AFG2A: variants seen among roughly 807,000 people sequenced by gnomAD.
AFG2A encodes ATPase family gene 2 protein homolog A.
chr4:123,291,543 T>C, the AFG2A span, among the ~76,000 whole-genome samples: 7 of 152,218 alleles, frequency 4.6e-5, no homozygotes, highest in Non-Finnish European at 8.8e-5. Flanking sequence ...AGCATTTGCT[T>C]GTCTGGGAAA....
the AFG2A span, among the ~76,000 whole-genome samples, chr4:123,049,720 T>G: frequency 1.3e-5 from 2 of 152,088 alleles, no homozygotes; most frequent in Non-Finnish European, 2.9e-5. Flanking sequence ...GGTGTTCTTT[T>G]TTTTAGGTAG....
chr4:123,056,092 C>A, the AFG2A span, among the ~76,000 whole-genome samples: 1 of 152,194 alleles, frequency 6.6e-6, no homozygotes, highest in Admixed American at 6.5e-5. Context: ...TGCCTAGCAC[C>A]ACATCTGATA....
At chr4:123,233,353 G>C in the AFG2A span, among the ~76,000 whole-genome samples, 159 of 151,908 alleles carry the variant, frequency 1.0e-3, no homozygotes, top group African/African-American at 3.7e-3. Context: ...AGCCACATCT[G>C]TCAGAGCTGT....
chr4:122,992,974 GTA>G, the AFG2A span, among the ~76,000 whole-genome samples: 3 of 100,502 alleles, frequency 3.0e-5, no homozygotes, highest in East Asian at 3.4e-4. Flanking sequence ...GTGTGTGTGT[GTA>G]TGTGTGTGTG....
At chr4:123,182,870 C>T in the AFG2A span, among the ~76,000 whole-genome samples, 1 of 152,102 alleles carries the variant, frequency 6.6e-6, no homozygotes. Context: ...GAGAAGGAAG[C>T]AAAGAAGGAA....
chr4:122,939,071 C>CTCTCTTTTT, the AFG2A span, among the ~76,000 whole-genome samples: 2 of 76,210 alleles, frequency 2.6e-5, 1 homozygote. Flanking sequence ...GGGATATGTT[C>CTCTCTTTTT]TTTCTTTTTT....
At chr4:123,163,731 T>A in the AFG2A span, among the ~76,000 whole-genome samples, 1 of 152,172 alleles carries the variant, frequency 6.6e-6, no homozygotes, top group Non-Finnish European at 1.5e-5. Context: ...AGGGACTGAT[T>A]CACCTAACTG....
the AFG2A span, among the ~76,000 whole-genome samples, chr4:122,989,434 G>A: frequency 1.0e-3 from 155 of 152,286 alleles, no homozygotes; most frequent in South Asian, 2.7e-3. Context: ...GGACAGTTCT[G>A]GAGCCTCTGT....
chr4:123,301,607 T>C, the AFG2A span, among the ~76,000 whole-genome samples: 1 of 152,292 alleles, frequency 6.6e-6, no homozygotes, highest in African/African-American at 2.4e-5. Context: ...ATAAAATAAG[T>C]GTAATATAAA....
At chr4:123,212,241 G>T in the AFG2A span, among the ~76,000 whole-genome samples, 1 of 151,498 alleles carries the variant, frequency 6.6e-6, no homozygotes, top group African/African-American at 2.4e-5. Context: ...CCTTTTTCTT[G>T]TCCTGATTAA....
chr4:123,193,448 T>C, the AFG2A span, among the ~76,000 whole-genome samples: 1 of 152,250 alleles, frequency 6.6e-6, no homozygotes, highest in African/African-American at 2.4e-5. Context: ...AGATAAACTA[T>C]TATTACAGGT....
chr4:123,204,298 A>G, the AFG2A span, among the ~76,000 whole-genome samples: 1 of 152,186 alleles, frequency 6.6e-6, no homozygotes, highest in East Asian at 1.9e-4. Context: ...TCTATTTTAG[A>G]AACTACCAAA....
the AFG2A span, among the ~76,000 whole-genome samples, chr4:123,090,368 G>A: frequency 6.6e-6 from 1 of 152,160 alleles, no homozygotes. Flanking sequence ...GAATGAAAAT[G>A]AACATGGTTG....
the AFG2A span, among the ~76,000 whole-genome samples, chr4:123,041,470 A>AT: frequency 6.6e-6 from 1 of 151,106 alleles, no homozygotes; most frequent in Non-Finnish European, 1.5e-5. Flanking sequence ...TCAAATATTG[A>AT]TTTTTAGACT....
At chr4:123,203,048 T>G in the AFG2A span, among the ~76,000 whole-genome samples, 2 of 152,104 alleles carry the variant, frequency 1.3e-5, no homozygotes, top group Non-Finnish European at 2.9e-5. Context: ...AATCAAAATG[T>G]CACATAAATA....
the AFG2A span, among the ~76,000 whole-genome samples, chr4:122,998,646 AT>A: frequency 6.6e-6 from 1 of 152,084 alleles, no homozygotes; most frequent in South Asian, 2.1e-4. Context: ...TGAACTCATC[AT>A]TTTTTATGGC....
the AFG2A span, among the ~76,000 whole-genome samples, chr4:122,959,364 G>A: frequency 6.6e-6 from 1 of 151,984 alleles, no homozygotes; most frequent in Non-Finnish European, 1.5e-5. Context: ...TAATGGTTCC[G>A]AATAAAACTT....
chr4:123,110,742 C>G, the AFG2A span, among the ~76,000 whole-genome samples: 2 of 152,114 alleles, frequency 1.3e-5, no homozygotes, highest in African/African-American at 4.8e-5. Context: ...TCCTGACAAC[C>G]CTGCAAAGTA....
the AFG2A span, among the ~76,000 whole-genome samples, chr4:123,230,327 G>A: frequency 1.3e-5 from 2 of 152,010 alleles, no homozygotes; most frequent in Non-Finnish European, 2.9e-5. Flanking sequence ...AAGGTTCACA[G>A]CGTCTTCACC....
Sources: gnomAD v4.1 joint callset for allele counts (sites outside exome capture counted in the v4.1 genomes callset) on GRCh38, gnomAD v4.1.1 for gene constraint, MANE v1.5 for transcripts, NCBI Gene and HGNC (gene_info 2026-07-23, HGNC 2026-07-21) for gene names.